TTLL5: variants seen among roughly 807,000 people sequenced by gnomAD.
The protein encoded by TTLL5 is tubulin polyglutamylase TTLL5.
TTLL5 carries 132 observed loss-of-function variants against 168.4 expected under a neutral mutation model. The observed-to-expected ratio is 0.78, with a 90% CI of 0.68 to 0.91. TTLL5 has a LOEUF of 0.91. TTLL5 is among the 40% of genes least tolerant of loss of function. The pLI is 0.00. For synonymous variants in TTLL5, 546 were observed against 558.6 expected (o/e 0.98, Z 0.32); for missense variants, 1,545 against 1,581.5 (o/e 0.98, Z 0.39).
rs116060106 is a variant in TTLL5 at position 75,740,461 on chromosome 14, G to A, written c.1282-4634G>A. ...AACTGGTACCTCCTCAGTTCTTCAT[G>A]ATTTTTCAAACATAATTATAAGTGG... On this transcript the variant is annotated intron_variant, in intron 15 of 31. Coordinates refer to ENST00000298832, the MANE Select transcript of TTLL5 (RefSeq NM_015072.5). 3.3e-3 allele frequency among the ~76,000 whole-genome samples: 499 copies of A among 152,144 alleles called. 3 individuals carry two copies. The highest frequency in any genetic ancestry group is 0.011 in the African/African-American group (465 of 41,492).
intron 28 of TTLL5, among the ~76,000 whole-genome samples, chr14:75,857,593 G>C (rs1897197032): frequency 6.7e-6 from 1 of 150,076 alleles, no homozygotes; most frequent in East Asian, 2.0e-4. Context: ...GCTCTTTTTT[G>C]GAAGAGTTTG....
intron 31 of TTLL5, among the ~76,000 whole-genome samples, chr14:75,940,165 C>T (rs1186188634): frequency 6.6e-6 from 1 of 150,434 alleles, no homozygotes; most frequent in African/African-American, 2.5e-5. Context: ...CTGCAAGCTC[C>T]GCCTCCCAGG....
At chr14:75,762,891 A>G (rs1890738745) in intron 18 of TTLL5, among the ~76,000 whole-genome samples, 1 of 152,208 alleles carries the variant, frequency 6.6e-6, no homozygotes, top group Non-Finnish European at 1.5e-5. Context: ...TGTTTATATA[A>G]TGAACAGTGG....
At chr14:75,814,078 C>T (rs373101308) in intron 27 of TTLL5, among the ~76,000 whole-genome samples, 3 of 152,156 alleles carry the variant, frequency 2.0e-5, no homozygotes, top group African/African-American at 7.2e-5. Context: ...TTTTGAGCCA[C>T]CTACATGATA....
At chr14:75,743,989 A>G (rs1423960718) in intron 15 of TTLL5, among the ~76,000 whole-genome samples, 3 of 152,150 alleles carry the variant, frequency 2.0e-5, no homozygotes, top group East Asian at 3.9e-4. Flanking sequence ...ATGCTGTCAC[A>G]TTGGAGGTTA....
intron 31 of TTLL5, among the ~76,000 whole-genome samples, chr14:75,917,426 T>C (rs553817304): frequency 6.6e-6 from 1 of 152,344 alleles, no homozygotes; most frequent in East Asian, 1.9e-4. Context: ...CAAGGTGATT[T>C]CATTTTATCA....
At chr14:75,833,787 T>C (rs1895717079) in intron 28 of TTLL5, among the ~76,000 whole-genome samples, 1 of 152,022 alleles carries the variant, frequency 6.6e-6, no homozygotes, top group Non-Finnish European at 1.5e-5. Context: ...TGAAGTAGAG[T>C]GTGCAAATTC....
intron 3 of TTLL5, among the ~76,000 whole-genome samples, chr14:75,680,770 G>C (rs1039180335): frequency 6.6e-6 from 1 of 151,906 alleles, no homozygotes; most frequent in Non-Finnish European, 1.5e-5. Flanking sequence ...GATTACAGGT[G>C]CGTACCACCA....
chr14:75,917,962 G>C (rs1011554566), intron 31 of TTLL5, among the ~76,000 whole-genome samples: 4 of 152,190 alleles, frequency 2.6e-5, no homozygotes, highest in African/African-American at 9.7e-5. Flanking sequence ...AGGAGGTCCA[G>C]GGCTAGTGCT....
rs1362475983 is a variant in TTLL5 at position 75,766,077 on chromosome 14, C to G, written c.1724C>G (p.Ala575Gly). 8.7e-6 allele frequency: 14 copies of G among 1,611,376 alleles called. No individual in the cohort carries two copies. Among genetic ancestry groups the G allele is most frequent in the Admixed American group, 1.7e-5 (1 of 59,622 alleles). The change falls in exon 20 of 32, where the codon GCT becomes GGT. Residue 575 changes from alanine to glycine, a missense_variant. By Grantham distance (60) the Ala-to-Gly change is moderately conservative. Transcript: ENST00000298832. Reference protein sequence around the residue: ...RPKYPVITQPAEMNVKTETES... With the variant: ...RPKYPVITQPGEMNVKTETES... ...TCGTATTTAGTGATTACCCAACCAG[C>G]TGAAATGAATGTTAAAACTGAGACA...
At chr14:75,698,109 A>G (rs1269154169) in intron 6 of TTLL5, among the ~76,000 whole-genome samples, 1 of 152,240 alleles carries the variant, frequency 6.6e-6, no homozygotes, top group Admixed American at 6.5e-5. Flanking sequence ...GAAGAGGCAC[A>G]GCTGGGACCA....
At position 75,734,531 on chromosome 14, in the gene TTLL5, T is replaced by C. The variant is rs141541491; in HGVS notation, c.1186+481T>C. 8.3e-3 allele frequency among the ~76,000 whole-genome samples: 1,258 copies of C among 152,292 alleles called. 16 individuals are homozygous for C. Among genetic ancestry groups the C allele is most frequent in the African/African-American group, 0.029 (1,186 of 41,564 alleles). On this transcript the variant is annotated intron_variant, in intron 14 of 31. Coordinates refer to ENST00000298832, the MANE Select transcript of TTLL5 (RefSeq NM_015072.5). ...GCAGTCAGGTGGGTATTTTGTGGGC[T>C]TGTTGGTTTTTTTTTAGGTACTATA...
intron 5 of TTLL5, among the ~76,000 whole-genome samples, chr14:75,687,381 C>G (rs1741955093): frequency 1.3e-5 from 2 of 152,124 alleles, no homozygotes; most frequent in African/African-American, 4.8e-5. Context: ...TCAAGCGATT[C>G]TCCTGCCTCA....
At chr14:75,873,996 A>G (rs1249265829) in intron 29 of TTLL5, among the ~76,000 whole-genome samples, 2 of 152,246 alleles carry the variant, frequency 1.3e-5, no homozygotes, top group African/African-American at 4.8e-5. Flanking sequence ...TAAATATGGT[A>G]TGCAAATTAA....
At chr14:75,943,201 A>G (rs1034806111) in intron 31 of TTLL5, among the ~76,000 whole-genome samples, 2 of 152,184 alleles carry the variant, frequency 1.3e-5, no homozygotes, top group African/African-American at 4.8e-5. Context: ...TGACCCCGTC[A>G]CTGGATCACC....
At chr14:75,683,519 T>C in intron 4 of TTLL5, 31 bp from the exon 5 acceptor site, 3 of 1,546,518 alleles carry the variant, frequency 1.9e-6, no homozygotes, top group Non-Finnish European at 2.7e-6. Flanking sequence ...CTGATGTTTT[T>C]TTGCCTTCTT....
intron 12 of TTLL5, among the ~76,000 whole-genome samples, chr14:75,730,494 G>A (rs1888464009): frequency 6.6e-6 from 1 of 152,080 alleles, no homozygotes; most frequent in Non-Finnish European, 1.5e-5. Context: ...AAATTAAATG[G>A]AATCCCATAT....
intron 31 of TTLL5, chr14:75,906,420 G>GA (rs1170971879): frequency 9.1e-6 from 6 of 659,844 alleles, no homozygotes; most frequent in Non-Finnish European, 1.1e-5. Context: ...CTGTGAATTG[G>GA]AATTTGACAG....
Position 75,683,611 on chromosome 14 carries a change from T to TA in TTLL5, c.327dup (p.Leu110ThrfsTer6). On this transcript the variant is annotated frameshift_variant, in exon 5 of 32. Coordinates refer to ENST00000298832, the MANE Select transcript of TTLL5 (RefSeq NM_015072.5). LOFTEE classifies it high-confidence loss of function. ...ACAGGATCCCACCTGAAGCCCTTCT[T>TA]ACTGCGCACCCTCTCTGAAGCACAA... 2.5e-6 allele frequency: 4 copies of TA among 1,614,066 alleles called. No individual in the cohort carries two copies. The highest frequency in any genetic ancestry group is 1.7e-4 in the Middle Eastern group (1 of 6,058).
Sources: allele counts gnomAD v4.1 joint callset (sites outside exome capture counted in the v4.1 genomes callset), GRCh38; gene constraint gnomAD v4.1.1; transcripts MANE v1.5; gene names NCBI Gene and HGNC (gene_info 2026-07-23, HGNC 2026-07-21).